The following NAT1 variants were observed in gnomAD, a reference collection of about 807,000 sequenced individuals.
The protein encoded by NAT1 is N-acetyltransferase 1, also known as arylamine N-acetyltransferase 1.
For missense variants in NAT1, 400 were observed against 339.2 expected (o/e 1.18, Z -1.41); for synonymous variants, 144 against 122.6 (o/e 1.17, Z -1.16).
chr8:18,178,072 A>C (rs908869464), intron 2 of NAT1, among the ~76,000 whole-genome samples: 1 of 152,120 alleles, frequency 6.6e-6, no homozygotes, highest in African/African-American at 2.4e-5. Context: ...ATTAGGTCAC[A>C]TGATTGGAGT....
rs796247875 is a variant in NAT1, at chr8:18,193,631, CTTTTTTTTTTTTT to C, written n.93-16139_93-16127del. On this transcript the variant is annotated intron_variant and non_coding_transcript_variant, in intron 2 of 4. Transcript: ENST00000517441. ...TGTAATAATGCTACCTGTAAACCTG[CTTTTTTTTTTTTT>C]TTTTTTTTTTCGAGATGGACTTTCA... Among the ~76,000 whole-genome samples, 112 of 57,550 alleles carry C rather than the reference CTTTTTTTTTTTTT, an allele frequency of 1.9e-3. 5 individuals are homozygous for C. Among genetic ancestry groups the C allele is most frequent in the Non-Finnish European group, 9.3e-5 (3 of 32,276 alleles). 37.8% of individuals were successfully genotyped at this position (57,550 alleles called of 152,430 possible).
upstream of NAT1, among the ~76,000 whole-genome samples, chr8:18,208,128 G>A (rs1003572534): frequency 6.6e-6 from 1 of 151,988 alleles, no homozygotes; most frequent in Non-Finnish European, 1.5e-5. Context: ...TGAGGAGGGT[G>A]GGGGTATGGG....
rs367611074 is a variant in NAT1, at chr8:18,222,530, A to C, written c.483A>C (p.Leu161=). The C allele has an allele frequency of 5.0e-6, 8 of 1,614,024 alleles. No homozygotes were observed. The highest frequency in any genetic ancestry group is 6.8e-6 in the Non-Finnish European group (8 of 1,180,020). The change falls in exon 3 of 3, where the codon CTA becomes CTC. Residue 161 remains leucine, a synonymous_variant. Coordinates refer to ENST00000307719, the MANE Select transcript of NAT1 (RefSeq NM_000662.8). ...CGGAAGAGAATGGATTCTGGTATCTAGACCAAATCAGAAGGGAACAGTACA... is the reference window on the plus strand; with the variant it reads ...CGGAAGAGAATGGATTCTGGTATCTCGACCAAATCAGAAGGGAACAGTACA... ...RLTEENGFWY[L]DQIRREQYIP... is the part of the protein sequence containing the mutation.
intron 2 of NAT1, among the ~76,000 whole-genome samples, chr8:18,194,271 G>A (rs145867836): frequency 2.0e-5 from 3 of 152,316 alleles, no homozygotes; most frequent in African/African-American, 4.8e-5. Flanking sequence ...TTTGAAGAGT[G>A]ACTACTTTAG....
chr8:18,187,808 T>C (rs1447985134), intron 2 of NAT1, among the ~76,000 whole-genome samples: 7 of 152,050 alleles, frequency 4.6e-5, no homozygotes, highest in Admixed American at 1.3e-4. Context: ...CCGTGTGACA[T>C]GAGTTTACCT....
intron 2 of NAT1, among the ~76,000 whole-genome samples, chr8:18,179,693 G>A (rs1328379652): frequency 1.3e-5 from 2 of 152,122 alleles, no homozygotes; most frequent in Non-Finnish European, 2.9e-5. Context: ...GACAGAATCA[G>A]AGCATAAAGC....
chr8:18,203,232 A>G (rs1228845667), intron 2 of NAT1, among the ~76,000 whole-genome samples: 2 of 152,236 alleles, frequency 1.3e-5, no homozygotes, highest in Admixed American at 6.5e-5. Flanking sequence ...ATTGGCTTAA[A>G]GAAAAAGTAA....
intron 2 of NAT1, among the ~76,000 whole-genome samples, chr8:18,174,851 C>T (rs963685959): frequency 1.3e-5 from 2 of 152,002 alleles, no homozygotes; most frequent in African/African-American, 2.4e-5. Context: ...CTCCCAAATG[C>T]GAACTCTCAT....
chr8:18,220,467 G>A (rs952261226), intron 2 of NAT1, among the ~76,000 whole-genome samples: 1 of 152,202 alleles, frequency 6.6e-6, no homozygotes, highest in African/African-American at 2.4e-5. Flanking sequence ...GGTCTGTACA[G>A]CACTGTTACA....
intron 2 of NAT1, among the ~76,000 whole-genome samples, chr8:18,190,517 A>G (rs1055751168): frequency 2.6e-5 from 4 of 152,120 alleles, no homozygotes; most frequent in African/African-American, 9.7e-5. Flanking sequence ...CAGGCGAAAA[A>G]CTTTCCTGAG....
intron 2 of NAT1, among the ~76,000 whole-genome samples, chr8:18,171,255 G>C (rs1487927956): frequency 6.6e-6 from 1 of 152,156 alleles, no homozygotes; most frequent in African/African-American, 2.4e-5. Flanking sequence ...ATTTAATTTG[G>C]ACAGAATTGT....
chr8:18,170,766 C>G (rs1322231706), intron 2 of NAT1: 3 of 152,182 alleles, frequency 2.0e-5, no homozygotes. Context: ...GCCCATTGAG[C>G]CCAGGGATCT....
At chr8:18,187,346 G>A (rs867819047) in intron 2 of NAT1, among the ~76,000 whole-genome samples, 8 of 152,076 alleles carry the variant, frequency 5.3e-5, no homozygotes, top group African/African-American at 1.7e-4. Context: ...CCCATTACTG[G>A]GTATATACCC....
rs75096132 is a variant in NAT1 at position 18,190,643 on chromosome 8, A to T, written n.93-19138A>T. 5.7e-3 allele frequency among the ~76,000 whole-genome samples: 863 copies of T among 152,332 alleles called. 7 individuals carry two copies. The highest frequency in any genetic ancestry group is 0.019 in the African/African-American group (804 of 41,574). On this transcript the variant is annotated intron_variant and non_coding_transcript_variant, in intron 2 of 4. Coordinates refer to the NAT1 transcript ENST00000517441. ...ACGTGGTGGTGATACCCACTGCTGAAATAGCATGTGGAGCACTGATGCAGG... is the reference window on the plus strand; with the variant it reads ...ACGTGGTGGTGATACCCACTGCTGATATAGCATGTGGAGCACTGATGCAGG...
chr8:18,200,544 G>C (rs1219623545), intron 2 of NAT1, among the ~76,000 whole-genome samples: 1 of 152,118 alleles, frequency 6.6e-6, no homozygotes, highest in Non-Finnish European at 1.5e-5. Context: ...AAGGGTAAAG[G>C]GTGGGAGGAT....
intron 2 of NAT1, among the ~76,000 whole-genome samples, chr8:18,186,552 A>G (rs1210254813): frequency 6.6e-6 from 1 of 152,150 alleles, no homozygotes; most frequent in Non-Finnish European, 1.5e-5. Context: ...TATTTTGTAA[A>G]TGCTTTAACA....
At chr8:18,196,846 G>T (rs78894352) in intron 2 of NAT1, among the ~76,000 whole-genome samples, 1,605 of 152,278 alleles carry the variant, frequency 0.011, 14 homozygotes, top group Middle Eastern at 0.078. Context: ...ACTAGTATCT[G>T]TATGTGATGT....
intron 2 of NAT1, among the ~76,000 whole-genome samples, chr8:18,172,379 C>T (rs552913497): frequency 3.3e-5 from 5 of 152,316 alleles, no homozygotes; most frequent in East Asian, 3.9e-4. Flanking sequence ...TTCATCAAAA[C>T]GCCTGCTGGG....
rs115582279 is a variant in NAT1, at chr8:18,220,056, G to A, written c.-7+567G>A. Among the ~76,000 whole-genome samples the A allele has an allele frequency of 2.5e-3, 382 of 152,212 alleles. 2 individuals carry two copies. The highest frequency in any genetic ancestry group is 8.7e-3 in the African/African-American group (361 of 41,538). On this transcript the variant is annotated intron_variant, in intron 2 of 2. Transcript: ENST00000307719. ...TAAACCGCCTTCGTCCTTTTAGATC[G>A]GCTTCTCTCTCTTCTTTACATACTC...
Sources: gnomAD v4.1 joint callset for allele counts (sites outside exome capture counted in the v4.1 genomes callset) on GRCh38, gnomAD v4.1.1 for gene constraint, MANE v1.5 for transcripts, NCBI Gene and HGNC (gene_info 2026-07-23, HGNC 2026-07-21) for gene names.